The following KALRN variants were observed in gnomAD, a reference collection of about 807,000 sequenced individuals.
The protein encoded by KALRN is kalirin.
In KALRN, 70 loss-of-function variants were observed where a neutral mutation model predicts 353.7. The ratio of observed to expected loss-of-function variants is 0.20; its 90% CI spans 0.16 to 0.24. KALRN has a LOEUF of 0.24. Among genes scored for constraint, KALRN ranks in the 10% least tolerant of loss-of-function variants. The probability of loss-of-function intolerance (pLI) is 1.00; values close to 1 mark genes in which losing one functional copy is unlikely to be tolerated. For missense variants in KALRN, 2,791 were observed against 3,756.7 expected (o/e 0.74, Z 6.72); for synonymous variants, 1,391 against 1,434.8 (o/e 0.97, Z 0.69).
intron 33 of KALRN, among the ~76,000 whole-genome samples, chr3:124,548,079 G>A (rs2069943817): frequency 6.6e-6 from 1 of 152,142 alleles, no homozygotes. Context: ...AAGGGCCTAA[G>A]TTTTCATCAC....
rs573393566 is a variant in KALRN at position 124,718,398 on chromosome 3, G to C, written c.8416-527G>C. ...GGCCACCCAAAGTGCTGGGATTATA[G>C]GTGTGAGCCACCGTGCCCGGCCTCC... On this transcript the variant is annotated intron_variant, in intron 59 of 59. Transcript: ENST00000682506. 2.3e-3 allele frequency among the ~76,000 whole-genome samples: 350 copies of C among 152,264 alleles called. 3 individuals are homozygous for C. Among genetic ancestry groups the C allele is most frequent in the Non-Finnish European group, 1.9e-3 (130 of 68,034 alleles).
At chr3:124,057,887 G>T (rs2041693624) in intron 1 of KALRN, among the ~76,000 whole-genome samples, 1 of 152,126 alleles carries the variant, frequency 6.6e-6, no homozygotes, top group Non-Finnish European at 1.5e-5. Context: ...ATGAGACTGG[G>T]CAACTGTATT....
intron 1 of KALRN, among the ~76,000 whole-genome samples, chr3:124,209,000 A>G (rs1385040914): frequency 6.6e-6 from 1 of 151,934 alleles, no homozygotes; most frequent in Admixed American, 6.6e-5. Context: ...CATCATCATC[A>G]TCATAACCAA....
intron 45 of KALRN, 76 bp downstream of exon 45, chr3:124,662,004 C>A (rs2084934931): frequency 8.4e-7 from 1 of 1,197,208 alleles, no homozygotes. Flanking sequence ...CTTCCTCCCC[C>A]TGAAGCCTTG....
intron 11 of KALRN, among the ~76,000 whole-genome samples, chr3:124,387,075 C>G (rs2088475839): frequency 6.6e-6 from 1 of 151,762 alleles, no homozygotes; most frequent in African/African-American, 2.4e-5. Flanking sequence ...TTTTATTTTT[C>G]TTTTTTGCAT....
intron 34 of KALRN, among the ~76,000 whole-genome samples, chr3:124,613,556 A>G (rs1358895210): frequency 2.0e-5 from 3 of 152,364 alleles, no homozygotes; most frequent in South Asian, 2.1e-4. Context: ...CCTACATGTT[A>G]TAATTGGGAA....
At chr3:124,402,001 A>T (rs2090936933) in intron 13 of KALRN, among the ~76,000 whole-genome samples, 1 of 152,122 alleles carries the variant, frequency 6.6e-6, no homozygotes. Context: ...TGATTACAGG[A>T]CCTACAGTGT....
chr3:124,066,830 AGCC>A (rs2042401303), intron 1 of KALRN, among the ~76,000 whole-genome samples: 2 of 152,184 alleles, frequency 1.3e-5, no homozygotes, highest in African/African-American at 4.8e-5. Context: ...GGCAAACAGG[AGCC>A]CCTGGTTGAC....
At chr3:124,064,127 A>G (rs2042170937) in intron 1 of KALRN, among the ~76,000 whole-genome samples, 1 of 152,194 alleles carries the variant, frequency 6.6e-6, no homozygotes, top group African/African-American at 2.4e-5. Flanking sequence ...CTTTGGCCTC[A>G]AAGAATTCAG....
chr3:124,315,294 T>A lies in KALRN; in HGVS notation c.1093-10686T>A, dbSNP rs1213146520. Among the ~76,000 whole-genome samples, 4 of 152,174 alleles carry A rather than the reference T, an allele frequency of 2.6e-5. No individual in the cohort carries two copies. In the East Asian group the frequency reaches 7.7e-4, roughly 29 times the overall value. ...AGCCATGTTTGGGGATTGGTTCCTA[T>A]TCAAACAGGAAGCACAGGGAAGCTC... On this transcript the variant is annotated intron_variant, in intron 6 of 59. Transcript: ENST00000682506.
At chr3:124,206,338 T>C (rs2076409007) in intron 1 of KALRN, among the ~76,000 whole-genome samples, 1 of 152,148 alleles carries the variant, frequency 6.6e-6, no homozygotes, top group Admixed American at 6.5e-5. Context: ...ACATGTGGGA[T>C]GATTTTATGA....
chr3:124,655,956 CTT>C (rs2083971555), intron 39 of KALRN, among the ~76,000 whole-genome samples: 1 of 152,136 alleles, frequency 6.6e-6, no homozygotes, highest in South Asian at 2.1e-4. Flanking sequence ...AAGCTATTGT[CTT>C]AAGAGCTTTT....
intron 11 of KALRN, 37 bp downstream of exon 11, chr3:124,385,073 G>C (rs2088008108): frequency 6.5e-7 from 1 of 1,526,984 alleles, no homozygotes; most frequent in African/African-American, 1.4e-5. Context: ...ATTCTGTCCT[G>C]CCAGGGTCAG....
At chr3:124,306,873 T>G (rs2077756313) in intron 6 of KALRN, among the ~76,000 whole-genome samples, 1 of 152,176 alleles carries the variant, frequency 6.6e-6, no homozygotes, top group Admixed American at 6.5e-5. Flanking sequence ...GAAACAACTG[T>G]TAACCAAGAA....
At chr3:124,181,840 A>G (rs939048447) in intron 1 of KALRN, among the ~76,000 whole-genome samples, 3 of 152,204 alleles carry the variant, frequency 2.0e-5, no homozygotes, top group Non-Finnish European at 4.4e-5. Flanking sequence ...GAAGGAGGAA[A>G]CAGAAAAGAG....
intron 29 of KALRN, among the ~76,000 whole-genome samples, 155 bp from the exon 30 acceptor site, chr3:124,490,539 T>C (rs772206678): frequency 1.3e-5 from 2 of 152,006 alleles, no homozygotes; most frequent in Non-Finnish European, 2.9e-5. Flanking sequence ...TCTATGGAAG[T>C]GTTCAGCAGT....
chr3:124,427,536 CAGCTT>C (rs2150410193), intron 15 of KALRN, among the ~76,000 whole-genome samples: 1 of 152,334 alleles, frequency 6.6e-6, no homozygotes, highest in African/African-American at 2.4e-5. Flanking sequence ...TCAGCCTGCC[CAGCTT>C]AAATGGCATC....
intron 1 of KALRN, among the ~76,000 whole-genome samples, chr3:124,120,968 C>A (rs1176099814): frequency 6.7e-6 from 1 of 149,896 alleles, no homozygotes; most frequent in Non-Finnish European, 1.5e-5. Flanking sequence ...GGTGGTGCAC[C>A]CTGTAATCCC....
At chr3:124,529,504 A>T (rs2067865834) in intron 33 of KALRN, among the ~76,000 whole-genome samples, 1 of 152,124 alleles carries the variant, frequency 6.6e-6, no homozygotes, top group South Asian at 2.1e-4. Flanking sequence ...GTCGTTTAAC[A>T]GGTAGGGCCT....
Sources: gnomAD v4.1 joint callset for allele counts (sites outside exome capture counted in the v4.1 genomes callset) on GRCh38, gnomAD v4.1.1 for gene constraint, MANE v1.5 for transcripts, NCBI Gene and HGNC (gene_info 2026-07-23, HGNC 2026-07-21) for gene names.